FRYL: variants seen among roughly 807,000 people sequenced by gnomAD.
The protein encoded by FRYL is FRY like transcription coactivator.
Under a neutral mutation model 351.2 loss-of-function variants are expected in FRYL, and 150 were observed. The observed-to-expected ratio is 0.43, with a 90% CI of 0.37 to 0.49. FRYL has a LOEUF of 0.49. Among genes scored for constraint, FRYL ranks in the 20% least tolerant of loss-of-function variants. FRYL has a pLI of 0.00. For missense variants in FRYL, 3,036 were observed against 3,619.3 expected, an observed-to-expected ratio of 0.84 and a Z score of 4.13; for synonymous variants, 1,153 against 1,257.1, an observed-to-expected ratio of 0.92 and a Z score of 1.75.
intron 3 of FRYL, among the ~76,000 whole-genome samples, chr4:48,662,212 G>A (rs771627765): frequency 7.2e-5 from 11 of 152,116 alleles, no homozygotes; most frequent in Admixed American, 2.6e-4. Context: ...AAGCCAAGGC[G>A]GGAACACTGC....
rs367958811 is a variant in FRYL, at chr4:48,567,385, A to G, written c.3032T>C (p.Leu1011Pro). Residue 1011 changes from leucine (L) to proline (P), a missense_variant, in exon 28 of 64, where the codon CTC (leucine) becomes CCC (proline). Leu to Pro is a moderately conservative substitution (Grantham distance 98, BLOSUM62 -3). This residue lies in a region of FRYL where 492 missense variants were observed against 551.5 expected (regional missense o/e 0.89). Transcript: ENST00000358350. The surrounding 1 kb of genome is among the most constrained non-coding windows in gnomAD (Gnocchi z 4.2). Reference sequence around the variant, plus strand: ...TACATATTCCAATAAAGTGTTGTTGAGAAAATGTGTTTCATTATCAAGGCC... The same window carrying G: ...TACATATTCCAATAAAGTGTTGTTGGGAAAATGTGTTTCATTATCAAGGCC... ...SGGLDNETHF[L>P]NNTLLEYVDL... 2.7e-5 allele frequency: 44 copies of G among 1,607,774 alleles called. No homozygotes were observed. The highest frequency in any genetic ancestry group is 3.6e-5 in the Non-Finnish European group (43 of 1,178,236).
intron 1 of FRYL, among the ~76,000 whole-genome samples, chr4:48,722,535 G>C (rs1336212861): frequency 1.3e-5 from 2 of 152,102 alleles, no homozygotes; most frequent in Admixed American, 6.5e-5. Context: ...ATTTCTAAGG[G>C]CTTTCACTGA....
intron 7 of FRYL, among the ~76,000 whole-genome samples, chr4:48,614,218 T>A (rs543155515): frequency 6.6e-6 from 1 of 152,224 alleles, no homozygotes; most frequent in South Asian, 2.1e-4. Flanking sequence ...ATTTCTCCCC[T>A]TATTTTCAGT....
intron 1 of FRYL, among the ~76,000 whole-genome samples, chr4:48,714,316 A>C (rs982587808): frequency 6.9e-6 from 1 of 144,898 alleles, no homozygotes; most frequent in African/African-American, 2.5e-5. Context: ...CCCTTAAAAA[A>C]ATTAATGAAT....
chr4:48,721,464 C>A (rs1769463701), intron 1 of FRYL, among the ~76,000 whole-genome samples: 1 of 151,004 alleles, frequency 6.6e-6, no homozygotes, highest in Non-Finnish European at 1.5e-5. Flanking sequence ...GAGTTTGAGA[C>A]CAGCCTGGCA....
At chr4:48,541,976 G>T (rs755632665) in intron 45 of FRYL, 51 bp downstream of exon 45, 1 of 1,171,230 alleles carries the variant, frequency 8.5e-7, no homozygotes, top group South Asian at 1.2e-5. Flanking sequence ...GCTATATGTA[G>T]TTAGCTATTC....
Position 48,567,151 on chromosome 4 carries a change from C to T in FRYL, c.3169+97G>A, listed in dbSNP as rs969965029. ...GACATATTTTTCCAGTATGTTCATA[C>T]GTTACTTTATCAACTTAGATTATTA... On this transcript the variant is annotated intron_variant, in intron 28 of 63. Transcript: ENST00000358350. This position sits in a 1 kb window ranked among gnomAD's most constrained non-coding sequence, Gnocchi z 4.2. The T allele has an allele frequency of 4.9e-5, 48 of 974,394 alleles. No homozygotes were observed. Among genetic ancestry groups the T allele is most frequent in the African/African-American group, 2.4e-4 (14 of 58,992 alleles). 60.4% of individuals were successfully genotyped at this position (974,394 alleles called of 1,614,324 possible).
chr4:48,737,855 A>G (rs190701216), intron 1 of FRYL, among the ~76,000 whole-genome samples: 1 of 152,238 alleles, frequency 6.6e-6, no homozygotes, highest in African/African-American at 2.4e-5. Flanking sequence ...GAACAGGCTA[A>G]TAAGTCATGT....
At chr4:48,543,714 T>C (rs1730726724) in intron 44 of FRYL, 93 bp downstream of exon 44, 1 of 1,083,304 alleles carries the variant, frequency 9.2e-7, no homozygotes, top group Admixed American at 2.5e-5. Context: ...TAGATGCCCA[T>C]TATCTTGCTC....
At chr4:48,766,351 T>G (rs1436336812) in intron 1 of FRYL, among the ~76,000 whole-genome samples, 1 of 151,902 alleles carries the variant, frequency 6.6e-6, no homozygotes, top group African/African-American at 2.4e-5. Context: ...ATAAAAGAGG[T>G]CAGATGACAG....
chr4:48,655,914 T>A (rs1758803744), intron 3 of FRYL, among the ~76,000 whole-genome samples: 1 of 102,200 alleles, frequency 9.8e-6, no homozygotes, highest in African/African-American at 2.8e-5. Context: ...ACATTATATA[T>A]AATGTGTAAT....
chr4:48,556,669 C>T (rs974671906), intron 35 of FRYL, among the ~76,000 whole-genome samples: 1 of 152,058 alleles, frequency 6.6e-6, no homozygotes, highest in East Asian at 1.9e-4. Flanking sequence ...TTTTTTATAG[C>T]CTTTATCACA....
chr4:48,698,807 C>T lies in FRYL; in HGVS notation c.-204+11712G>A, dbSNP rs1194389749. Reference sequence around the variant, plus strand: ...AAGAGTCAGTAGGCACCACCCCCACCCCAACCCCCACAAATAGGCTTTATT... The same window carrying T: ...AAGAGTCAGTAGGCACCACCCCCACTCCAACCCCCACAAATAGGCTTTATT... On this transcript the variant is annotated intron_variant, in intron 2 of 63. Transcript: ENST00000358350. Among the ~76,000 whole-genome samples, 5 of 151,940 alleles carry T rather than the reference C, an allele frequency of 3.3e-5. No homozygotes were observed. The East Asian group carries it at 7.7e-4, about 23-fold the overall frequency.
At chr4:48,569,158 G>A (rs1004351272) in intron 27 of FRYL, among the ~76,000 whole-genome samples, 11 of 152,070 alleles carry the variant, frequency 7.2e-5, no homozygotes, top group African/African-American at 2.7e-4. Context: ...ATTCTTCTAC[G>A]AATGCTACAA....
At position 48,567,645 on chromosome 4, in the gene FRYL, A is replaced by G. The variant is rs1278671593; in HGVS notation, c.2997-225T>C. On this transcript the variant is annotated intron_variant, in intron 27 of 63. Transcript: ENST00000358350. This position sits in a 1 kb window ranked among gnomAD's most constrained non-coding sequence, Gnocchi z 4.2. ...CTGCTATTGCAATTTATATTATTCA[A>G]CTCCATATCTAACTTAAATCAACTC... Among the ~76,000 whole-genome samples the G allele has an allele frequency of 6.6e-6, 1 of 152,146 alleles. No individual in the cohort carries two copies. Among genetic ancestry groups the G allele is most frequent in the African/African-American group, 2.4e-5 (1 of 41,416 alleles).
At chr4:48,641,102 A>C (rs1755223346) in intron 3 of FRYL, among the ~76,000 whole-genome samples, 1 of 152,202 alleles carries the variant, frequency 6.6e-6, no homozygotes, top group African/African-American at 2.4e-5. Flanking sequence ...GGCCAGTTGA[A>C]TTGGTGACAG....
intron 3 of FRYL, among the ~76,000 whole-genome samples, chr4:48,662,463 A>G (rs1760941960): frequency 6.6e-6 from 1 of 152,090 alleles, no homozygotes. Flanking sequence ...TAAATTTAGA[A>G]AATAAAATAT....
rs1482783177 is a variant in FRYL, at chr4:48,613,604, TCA to T, written c.412-3783_412-3782del. 2.6e-5 allele frequency among the ~76,000 whole-genome samples: 4 copies of T among 152,118 alleles called. No individual in the cohort carries two copies. The East Asian group carries it at 7.7e-4, about 29-fold the overall frequency. ...ACTTTACAGATGAGGGAAATGAAGT[TCA>T]GAGGTTGCTGTGTACTTCTCTAGAA... On this transcript the variant is annotated intron_variant, in intron 7 of 63. Transcript: ENST00000358350.
chr4:48,619,540 G>T (rs1018634419), intron 6 of FRYL, among the ~76,000 whole-genome samples, 170 bp from the exon 7 acceptor site: 2 of 152,114 alleles, frequency 1.3e-5, no homozygotes, highest in African/African-American at 4.8e-5. Context: ...TTGAGACAGG[G>T]TCTCGTTCTG....
Sources: gnomAD v4.1 joint callset for allele counts (sites outside exome capture counted in the v4.1 genomes callset) on GRCh38, gnomAD v4.1.1 for gene constraint, gnomAD v4.1.1 regional missense constraint, Gnocchi (gnomAD v3.1) non-coding constraint, MANE v1.5 for transcripts, NCBI Gene and HGNC (gene_info 2026-07-23, HGNC 2026-07-21) for gene names.